Variants in RNF44 observed in about 807,000 individuals in gnomAD.
RNF44 encodes ring finger protein 44.
Under a neutral mutation model 53.6 loss-of-function variants are expected in RNF44, and 25 were observed. The ratio of observed to expected loss-of-function variants is 0.47; its 90% confidence interval spans 0.34 to 0.65. The LOEUF (loss-of-function observed/expected upper bound fraction) is 0.65. RNF44 is among the 30% of genes least tolerant of loss of function. The pLI is 0.01. For synonymous variants in RNF44, 282 were observed against 252.2 expected (o/e 1.12, Z -1.12); for missense variants, 581 against 595.5 (o/e 0.98, Z 0.25).
At chr5:176,532,614 A>G (rs916378134) in intron 1 of RNF44, 98 bp from the exon 2 acceptor site, 67 of 1,074,074 alleles carry the variant, frequency 6.2e-5, no homozygotes, top group Non-Finnish European at 7.8e-5. Flanking sequence ...ATGGTGGTGG[A>G]CACCTGTAAT....
upstream of RNF44, chr5:176,537,779 A>C (rs757508098): frequency 6.6e-6 from 1 of 152,228 alleles, no homozygotes; most frequent in African/African-American, 2.4e-5. Context: ...GAGATACTGA[A>C]GTGCAATGGG....
rs768264681 is a variant in RNF44 at position 176,530,929 on chromosome 5, TG to T, written c.557del (p.Pro186HisfsTer87). The T allele has an allele frequency of 5.4e-6, 7 of 1,300,598 alleles. No homozygotes were observed. The highest frequency in any genetic ancestry group is 6.2e-6 in the Non-Finnish European group (6 of 975,430). The allele number at this position is 1,300,598 out of a possible 1,614,324, so 80.6% of individuals were successfully genotyped here. On this transcript the variant is annotated frameshift_variant, in exon 5 of 11. Transcript: ENST00000274811. LOFTEE classifies it high-confidence loss of function. ...TGGGCTGGGGGGGTGGGGCCGGTGG[TG>T]GGGGGTGCAGGATGTAGTGGTCACT... ...ISSDHYILHP[P>X]PPAPPPQPTH...
chr5:176,532,272 T>TC, intron 2 of RNF44, 79 bp from the exon 3 acceptor site: 1 of 1,508,132 alleles, frequency 6.6e-7, no homozygotes, highest in Non-Finnish European at 8.9e-7. Flanking sequence ...CCAGGGTGAC[T>TC]CCCCCCATGG....
chr5:176,532,636 G>C, intron 1 of RNF44, 120 bp from the exon 2 acceptor site: 1 of 804,990 alleles, frequency 1.2e-6, no homozygotes, highest in Non-Finnish European at 1.8e-6. Context: ...CCAGCTACTT[G>C]GGAGGCTGAG....
chr5:176,533,215 C>A (rs983305522), intron 1 of RNF44, among the ~76,000 whole-genome samples: 1 of 152,192 alleles, frequency 6.6e-6, no homozygotes, highest in African/African-American at 2.4e-5. Flanking sequence ...TCCAAACAGG[C>A]CTGGGACCCA....
Position 176,529,758 on chromosome 5 carries a change from C to T in RNF44, c.987G>A (p.Val329=). The T allele has an allele frequency of 6.8e-6, 11 of 1,612,372 alleles. No homozygotes were observed. Among genetic ancestry groups the T allele is most frequent in the Non-Finnish European group, 9.3e-6 (11 of 1,179,122 alleles). Residue 329 remains valine (V), a synonymous_variant, in exon 8 of 11, where the codon GTG becomes GTA. Transcript: ENST00000274811. ...CATAGTTCTCCATCTCCACATCATC[C>T]ACGTCCAGGTCCAGGCTGATGGTGG... ...MGPTISLDLD[V]DDVEMENYEA... is the part of the protein sequence containing the mutation.
At chr5:176,530,269 A>C in intron 6 of RNF44, 63 bp from the exon 7 acceptor site, 1 of 498,832 alleles carries the variant, frequency 2.0e-6, no homozygotes, top group East Asian at 6.8e-5. Flanking sequence ...CCCGGAGCCC[A>C]GGTGCAAGTC....
intron 1 of RNF44, among the ~76,000 whole-genome samples, chr5:176,533,073 T>C (rs1401164718): frequency 6.6e-6 from 1 of 152,190 alleles, no homozygotes; most frequent in Non-Finnish European, 1.5e-5. Context: ...GCACCCTGTC[T>C]TGGAAAGGGG....
chr5:176,529,263 C>T (rs1756333002), intron 10 of RNF44, 25 bp downstream of exon 10: 1 of 1,604,368 alleles, frequency 6.2e-7, no homozygotes, highest in African/African-American at 1.3e-5. Context: ...GAGGAATACC[C>T]AGGAGCAGAC....
chr5:176,536,774 C>G (rs1431836091), intron 1 of RNF44, among the ~76,000 whole-genome samples, 166 bp downstream of exon 1: 3 of 149,140 alleles, frequency 2.0e-5, no homozygotes, highest in African/African-American at 5.0e-5. Flanking sequence ...CCACGGGGGG[C>G]CTTGGGGGGG....
chr5:176,528,127 G>A lies in RNF44; in HGVS notation c.*901C>T, dbSNP rs187571163. ...ACCGTGCTCGGCCCCCTGGGCACTC[G>A]GTCCCAGTTGGTCCCTATACCCGCC... On this transcript the variant is annotated 3_prime_UTR_variant, in exon 11 of 11. Coordinates refer to ENST00000274811, the MANE Select transcript of RNF44 (RefSeq NM_014901.5). The A allele has an allele frequency of 3.3e-5, 5 of 152,448 alleles. No individual in the cohort carries two copies. Among genetic ancestry groups the A allele is most frequent in the African/African-American group, 7.2e-5 (3 of 41,498 alleles). The allele number at this position is 152,448 out of a possible 1,614,324, so 9.4% of individuals were successfully genotyped here. A position where few individuals can be genotyped will look rare whatever the true frequency, so the allele number is the denominator to read the frequency against.
rs1043683349 is a variant in RNF44, at chr5:176,537,269, G to C, written c.-374C>G. 7 of 152,276 alleles carry C rather than the reference G, an allele frequency of 4.6e-5. No individual in the cohort carries two copies. The highest frequency in any genetic ancestry group is 1.4e-4 in the African/African-American group (6 of 41,468). 9.4% of individuals were successfully genotyped at this position (152,276 alleles called of 1,614,324 possible). A position where few individuals can be genotyped will look rare whatever the true frequency, so the allele number is the denominator to read the frequency against. ...GCGGCTGGCCCTTTAAGAACTGTCC[G>C]CGGCGGCAGCGGAATGTAACAAACC... On this transcript the variant is annotated 5_prime_UTR_variant, in exon 1 of 11. Transcript: ENST00000274811.
At chr5:176,533,802 G>C (rs1237791218) in intron 1 of RNF44, among the ~76,000 whole-genome samples, 1 of 152,188 alleles carries the variant, frequency 6.6e-6, no homozygotes, top group Admixed American at 6.5e-5. Context: ...CGAGGCCCTG[G>C]CAGGAAAAGC....
chr5:176,529,884 C>A, intron 7 of RNF44, 66 bp from the exon 8 acceptor site: 1 of 1,447,632 alleles, frequency 6.9e-7, no homozygotes, highest in South Asian at 1.4e-5. Flanking sequence ...AGCCGCTCTC[C>A]TGACTCCCTC....
intron 1 of RNF44, among the ~76,000 whole-genome samples, chr5:176,532,754 A>AAAAAAAAC (rs1756821009): frequency 6.7e-6 from 1 of 148,672 alleles, no homozygotes; most frequent in Admixed American, 6.6e-5. Flanking sequence ...TCTCAAAAAA[A>AAAAAAAAC]AAAAAAAAAA....
intron 1 of RNF44, among the ~76,000 whole-genome samples, chr5:176,532,872 G>A (rs1023477841): frequency 6.6e-6 from 1 of 151,976 alleles, no homozygotes; most frequent in African/African-American, 2.4e-5. Context: ...GTGTTCAGCC[G>A]TGCCCCTCCT....
intron 1 of RNF44, chr5:176,535,900 C>T (rs531664429): frequency 6.6e-6 from 1 of 152,408 alleles, no homozygotes; most frequent in East Asian, 1.9e-4. Flanking sequence ...GCCCCGTCCG[C>T]CCCAGGCACG....
In RNF44 at chr5:176,527,758, G is replaced by A. The variant is rs1418689648; in HGVS notation, c.*1270C>T. 6.6e-6 allele frequency: 1 copy of A among 152,318 alleles called. No homozygotes were observed. Among genetic ancestry groups the A allele is most frequent in the Non-Finnish European group, 1.5e-5 (1 of 68,120 alleles). The allele number at this position is 152,318 out of a possible 1,614,324, so 9.4% of individuals were successfully genotyped here. The stretch of plus-strand genomic sequence containing the variant: ...ATAGGACAAGAAAGGATTGGGACCA[G>A]GGAAAGTGGGTGGGAAGCTCAGCCA... On this transcript the variant is annotated 3_prime_UTR_variant, in exon 11 of 11. Transcript: ENST00000274811.
chr5:176,530,105 G>A lies in RNF44; in HGVS notation c.903C>T (p.Tyr301=). ...PPPPPPPPPY[Y]PSFLPYFLSM... is the part of the protein sequence containing the mutation. Reference sequence around the variant, plus strand: ...ACAGGAAGTAGGGCAGGAAGCTGGGGTAGTAGGGTGGTGGGGGTGGGGGTG... The same window carrying A: ...ACAGGAAGTAGGGCAGGAAGCTGGGATAGTAGGGTGGTGGGGGTGGGGGTG... Residue 301 remains tyrosine (Y), a synonymous_variant, in exon 7 of 11, where the codon TAC becomes TAT. Transcript: ENST00000274811. The A allele has an allele frequency of 1.6e-5, 19 of 1,209,612 alleles. No homozygotes were observed. The highest frequency in any genetic ancestry group is 2.0e-5 in the Non-Finnish European group (19 of 955,614). 74.9% of individuals were successfully genotyped at this position (1,209,612 alleles called of 1,614,324 possible). A position where few individuals can be genotyped will look rare whatever the true frequency, so the allele number is the denominator to read the frequency against.
Sources: allele counts gnomAD v4.1 joint callset (sites outside exome capture counted in the v4.1 genomes callset), GRCh38; gene constraint gnomAD v4.1.1; transcripts MANE v1.5; gene names NCBI Gene and HGNC (gene_info 2026-07-23, HGNC 2026-07-21).